Variants in CDH18 observed in about 807,000 individuals in gnomAD.
CDH18 encodes the protein cadherin 18, also known as cadherin-18.
CDH18 carries 31 observed loss-of-function variants against 67.9 expected under a neutral mutation model. The observed-to-expected ratio is 0.46, with a 90% CI of 0.34 to 0.62. The LOEUF (loss-of-function observed/expected upper bound fraction) is 0.62, where lower values mean the gene tolerates loss of function less well. Among genes scored for constraint, CDH18 ranks in the 20% least tolerant of loss-of-function variants. The probability of loss-of-function intolerance (pLI) is 0.01; values close to 1 mark genes in which losing one functional copy is unlikely to be tolerated. For missense variants in CDH18, 890 were observed against 975.5 expected (o/e 0.91, Z 1.17); for synonymous variants, 362 against 347.2 (o/e 1.04, Z -0.48).
intron 2 of CDH18, among the ~76,000 whole-genome samples, chr5:20,211,265 T>C (rs1289000275): frequency 6.6e-6 from 1 of 152,116 alleles, no homozygotes; most frequent in Non-Finnish European, 1.5e-5. Context: ...AAGCTCGAAC[T>C]GGGCAGCTCA....
intron 1 of CDH18, among the ~76,000 whole-genome samples, chr5:20,485,121 T>G (rs1753081672): frequency 6.6e-6 from 1 of 152,162 alleles, no homozygotes; most frequent in Non-Finnish European, 1.5e-5. Context: ...AGAAGAAAAC[T>G]AGTGCTTTCA....
At chr5:20,281,874 C>A (rs1484045594) in intron 1 of CDH18, among the ~76,000 whole-genome samples, 1 of 152,056 alleles carries the variant, frequency 6.6e-6, no homozygotes, top group African/African-American at 2.4e-5. Flanking sequence ...TTGTTTGTAT[C>A]CTCTTTTATT....
chr5:20,499,186 G>A (rs1754091397), intron 1 of CDH18, among the ~76,000 whole-genome samples: 1 of 151,836 alleles, frequency 6.6e-6, no homozygotes, highest in Non-Finnish European at 1.5e-5. Flanking sequence ...GATCCCCATG[G>A]ATACGAAAAT....
chr5:20,247,000 A>G (rs1353156168), intron 2 of CDH18, among the ~76,000 whole-genome samples: 1 of 152,124 alleles, frequency 6.6e-6, no homozygotes, highest in African/African-American at 2.4e-5. Flanking sequence ...CCTCATGCTC[A>G]GCTCACCCCT....
intron 2 of CDH18, among the ~76,000 whole-genome samples, chr5:20,210,415 T>C (rs1405574534): frequency 6.6e-6 from 1 of 152,002 alleles, no homozygotes; most frequent in African/African-American, 2.4e-5. Flanking sequence ...CCTCTTACCT[T>C]TCCTCCATAA....
At chr5:19,902,845 A>G (rs1790091300) in intron 2 of CDH18, among the ~76,000 whole-genome samples, 1 of 152,122 alleles carries the variant, frequency 6.6e-6, no homozygotes, top group South Asian at 2.1e-4. Flanking sequence ...ATCTATCTAT[A>G]TCTTGCAAGG....
intron 10 of CDH18, among the ~76,000 whole-genome samples, chr5:19,513,245 T>C (rs80309404): frequency 0.071 from 10,796 of 152,142 alleles, 486 homozygotes; most frequent in African/African-American, 0.13. Context: ...GTAGCTGGGA[T>C]TATAGGCATG....
chr5:19,524,305 A>G (rs1443942480), intron 9 of CDH18, among the ~76,000 whole-genome samples: 1 of 149,424 alleles, frequency 6.7e-6, no homozygotes, highest in Non-Finnish European at 1.5e-5. Context: ...GTATATTATT[A>G]TATTAATTAT....
intron 2 of CDH18, among the ~76,000 whole-genome samples, chr5:19,898,006 G>A (rs943612731): frequency 2.0e-5 from 3 of 152,022 alleles, no homozygotes; most frequent in African/African-American, 4.8e-5. Flanking sequence ...TGATATGTAT[G>A]CTTTTCTATA....
chr5:20,559,386 G>A (rs1282361726), intron 1 of CDH18, among the ~76,000 whole-genome samples: 1 of 151,974 alleles, frequency 6.6e-6, no homozygotes, highest in African/African-American at 2.4e-5. Context: ...TTTAACTGGG[G>A]TAAATCAATA....
At chr5:20,030,977 G>A (rs778910759) in intron 2 of CDH18, among the ~76,000 whole-genome samples, 29 of 152,076 alleles carry the variant, frequency 1.9e-4, no homozygotes, top group African/African-American at 5.8e-4. Context: ...ATTGACACTG[G>A]GCTTACCCAC....
chr5:20,476,186 G>A (rs887079155), intron 1 of CDH18, among the ~76,000 whole-genome samples: 1 of 152,112 alleles, frequency 6.6e-6, no homozygotes, highest in African/African-American at 2.4e-5. Flanking sequence ...GCATTCTACT[G>A]ACCACAATGA....
intron 1 of CDH18, among the ~76,000 whole-genome samples, chr5:19,984,187 C>T (rs1161810903): frequency 6.7e-6 from 1 of 150,150 alleles, no homozygotes; most frequent in African/African-American, 2.4e-5. Context: ...GACTGTATGC[C>T]TCTCTATGTA....
chr5:20,403,086 G>A (rs1745917006), intron 1 of CDH18, among the ~76,000 whole-genome samples: 1 of 151,690 alleles, frequency 6.6e-6, no homozygotes, highest in Non-Finnish European at 1.5e-5. Context: ...GGGAGGCTGA[G>A]GCATGGTAAT....
intron 2 of CDH18, among the ~76,000 whole-genome samples, chr5:20,205,926 C>T (rs377299677): frequency 3.3e-5 from 5 of 151,632 alleles, no homozygotes; most frequent in East Asian, 1.9e-4. Flanking sequence ...ACAAGTGACA[C>T]ACATTAAGGA....
intron 10 of CDH18, among the ~76,000 whole-genome samples, chr5:19,519,962 AT>A (rs1326655290): frequency 6.6e-6 from 1 of 152,140 alleles, no homozygotes; most frequent in East Asian, 1.9e-4. Context: ...CCATGCACAA[AT>A]TTCTGACCTA....
intron 1 of CDH18, among the ~76,000 whole-genome samples, chr5:20,547,731 G>C (rs1397471244): frequency 1.3e-5 from 2 of 152,042 alleles, no homozygotes; most frequent in African/African-American, 2.4e-5. Context: ...ATATGATAAT[G>C]CCTGCTACAA....
intron 1 of CDH18, among the ~76,000 whole-genome samples, chr5:20,439,493 A>G (rs923469082): frequency 1.3e-5 from 2 of 151,532 alleles, no homozygotes; most frequent in African/African-American, 4.9e-5. Context: ...TCATAATGTA[A>G]TGTGCAATAC....
chr5:19,848,150 T>G (rs929121440), intron 2 of CDH18: 1 of 152,208 alleles, frequency 6.6e-6, no homozygotes, highest in African/African-American at 2.4e-5. Flanking sequence ...GGAAACTGCC[T>G]GGTTATTTAA....
Sources: gnomAD v4.1 joint callset for allele counts (sites outside exome capture counted in the v4.1 genomes callset) on GRCh38, gnomAD v4.1.1 for gene constraint, MANE v1.5 for transcripts, NCBI Gene and HGNC (gene_info 2026-07-23, HGNC 2026-07-21) for gene names.